PLCH1: variants seen among roughly 807,000 people sequenced by gnomAD.
PLCH1 encodes phospholipase C eta 1, also known as 1-phosphatidylinositol 4,5-bisphosphate phosphodiesterase eta-1.
Under a neutral mutation model 126.7 loss-of-function variants are expected in PLCH1, and 60 were observed. The ratio of observed to expected loss-of-function variants is 0.47; its 90% CI spans 0.38 to 0.59. PLCH1 has a LOEUF of 0.59. Among genes scored for constraint, PLCH1 ranks in the 20% least tolerant of loss-of-function variants. PLCH1 has a pLI of 0.00. For synonymous variants in PLCH1, 719 were observed against 734.9 expected (o/e 0.98, Z 0.35); for missense variants, 1,723 against 2,040.0 (o/e 0.84, Z 2.99).
chr3:155,712,343 C>G (rs976870221), intron 1 of PLCH1, among the ~76,000 whole-genome samples: 17 of 152,224 alleles, frequency 1.1e-4, no homozygotes, highest in African/African-American at 4.1e-4. Context: ...CCCAGACTAT[C>G]TGAAGGTGTA....
intron 1 of PLCH1, among the ~76,000 whole-genome samples, chr3:155,726,955 T>C (rs1281352903): frequency 2.7e-5 from 4 of 150,748 alleles, no homozygotes; most frequent in Admixed American, 6.6e-5. Context: ...CTCCTGACAC[T>C]GTAAGCCACC....
chr3:155,494,985 T>C (rs557988634), intron 15 of PLCH1, among the ~76,000 whole-genome samples: 1 of 152,224 alleles, frequency 6.6e-6, no homozygotes, highest in South Asian at 2.1e-4. Context: ...GTATTACTAG[T>C]AACATCCAGG....
chr3:155,562,207 G>T (rs1727730322), intron 8 of PLCH1, among the ~76,000 whole-genome samples: 2 of 152,240 alleles, frequency 1.3e-5, no homozygotes, highest in African/African-American at 4.8e-5. Flanking sequence ...CCTCCTCCAG[G>T]CCAATAATCC....
intron 2 of PLCH1, among the ~76,000 whole-genome samples, chr3:155,677,263 C>A (rs968601836): frequency 6.6e-6 from 1 of 152,214 alleles, no homozygotes; most frequent in African/African-American, 2.4e-5. Context: ...GGCCACCCAG[C>A]CTAGATTGCT....
At chr3:155,654,908 T>G (rs1310273725) in intron 2 of PLCH1, among the ~76,000 whole-genome samples, 1 of 152,232 alleles carries the variant, frequency 6.6e-6, no homozygotes, top group Non-Finnish European at 1.5e-5. Flanking sequence ...GCTGCTTCTC[T>G]GACTCATCTT....
Position 155,482,580 on chromosome 3 carries a change from G to A in PLCH1, c.3446C>T (p.Ser1149Phe). 1 of 1,614,200 alleles carries A rather than the reference G, an allele frequency of 6.2e-7. No individual in the cohort carries two copies. Among genetic ancestry groups the A allele is most frequent in the Non-Finnish European group, 8.5e-7 (1 of 1,180,026 alleles). ...AATSFSLSDV[S>F]MLCSDIPDLH... ...GTCAGGTATGTCAGAACAGAGCATGGAGACGTCTGACAAAGAAAAGGATGT... is the reference window on the plus strand; with the variant it reads ...GTCAGGTATGTCAGAACAGAGCATGAAGACGTCTGACAAAGAAAAGGATGT... Residue 1149 changes from serine (S) to phenylalanine (F), a missense_variant, in exon 23 of 23, where the codon TCC becomes TTC. Physicochemically the swap from Ser to Phe is radical, Grantham distance 155 (BLOSUM62 -2). This residue lies in a region of PLCH1 where 947 missense variants were observed against 977.1 expected (regional missense o/e 0.97). Transcript: ENST00000460012.
At chr3:155,555,263 G>A (rs548278726) in intron 8 of PLCH1, among the ~76,000 whole-genome samples, 65 of 152,222 alleles carry the variant, frequency 4.3e-4, no homozygotes, top group African/African-American at 1.4e-3. Flanking sequence ...TTCTTTTATC[G>A]AGGGAACACA....
intron 17 of PLCH1, 152 bp from the exon 18 acceptor site, chr3:155,493,005 AG>A: frequency 3.0e-6 from 2 of 660,610 alleles, no homozygotes; most frequent in Non-Finnish European, 4.5e-6. Context: ...GGTTTTCATT[AG>A]AAACCATGTT....
chr3:155,623,584 C>A (rs1736819617), intron 2 of PLCH1, among the ~76,000 whole-genome samples: 1 of 152,090 alleles, frequency 6.6e-6, no homozygotes, highest in Non-Finnish European at 1.5e-5. Flanking sequence ...AGATCACCAA[C>A]AATCCCACAG....
chr3:155,698,951 G>A (rs777978189), intron 2 of PLCH1, among the ~76,000 whole-genome samples: 15 of 149,536 alleles, frequency 1.0e-4, no homozygotes, highest in Non-Finnish European at 1.6e-4. Flanking sequence ...AAACTTAAAT[G>A]AATGAAATAT....
At chr3:155,494,055 A>G in intron 17 of PLCH1, 86 bp downstream of exon 17, 1 of 1,067,146 alleles carries the variant, frequency 9.4e-7, no homozygotes. Context: ...CACACTTTCT[A>G]AACAGCTTCC....
chr3:155,578,910 C>A (rs1313776751), intron 6 of PLCH1, among the ~76,000 whole-genome samples: 1 of 152,094 alleles, frequency 6.6e-6, no homozygotes, highest in Admixed American at 6.6e-5. Context: ...TTAAAGTGAC[C>A]ATCAGCACCT....
chr3:155,624,286 C>T (rs996045898), intron 2 of PLCH1, among the ~76,000 whole-genome samples: 1 of 152,170 alleles, frequency 6.6e-6, no homozygotes, highest in Non-Finnish European at 1.5e-5. Flanking sequence ...AAACCCACAG[C>T]TAATATCATA....
intron 3 of PLCH1, 94 bp from the exon 4 acceptor site, chr3:155,594,278 A>G (rs1732617855): frequency 3.3e-6 from 4 of 1,226,476 alleles, no homozygotes; most frequent in Non-Finnish European, 4.6e-6. Context: ...CATTTTAAAT[A>G]TTAAAAATAA....
At chr3:155,661,486 C>G (rs1742137936) in intron 2 of PLCH1, among the ~76,000 whole-genome samples, 1 of 152,176 alleles carries the variant, frequency 6.6e-6, no homozygotes, top group African/African-American at 2.4e-5. Context: ...ATCCCATCCC[C>G]CCATACCTGA....
intron 21 of PLCH1, among the ~76,000 whole-genome samples, chr3:155,472,679 AT>A (rs1192931019): frequency 2.0e-5 from 3 of 151,532 alleles, no homozygotes; most frequent in Admixed American, 1.3e-4. Flanking sequence ...AAAATCCTCA[AT>A]AAAATACTGG....
At chr3:155,541,930 C>T (rs573216235) in intron 10 of PLCH1, among the ~76,000 whole-genome samples, 3 of 152,254 alleles carry the variant, frequency 2.0e-5, no homozygotes, top group South Asian at 2.1e-4. Context: ...GGAACAGCTC[C>T]GGGTCTACAG....
At chr3:155,738,188 G>C (rs1275128040) in intron 1 of PLCH1, among the ~76,000 whole-genome samples, 2 of 152,186 alleles carry the variant, frequency 1.3e-5, no homozygotes, top group African/African-American at 4.8e-5. Context: ...GCCCTCCAGG[G>C]ACCTGTGTGG....
At chr3:155,736,465 C>T (rs1301980628) in intron 1 of PLCH1, among the ~76,000 whole-genome samples, 1 of 152,074 alleles carries the variant, frequency 6.6e-6, no homozygotes, top group African/African-American at 2.4e-5. Context: ...CTTTGGGGAA[C>T]AAAAGCAATG....
Sources: gnomAD v4.1 joint callset for allele counts (sites outside exome capture counted in the v4.1 genomes callset) on GRCh38, gnomAD v4.1.1 for gene constraint, gnomAD v4.1.1 regional missense constraint, MANE v1.5 for transcripts, NCBI Gene and HGNC (gene_info 2026-07-23, HGNC 2026-07-21) for gene names.